KCNH7: variants seen among roughly 807,000 people sequenced by gnomAD.
KCNH7 encodes the protein potassium voltage-gated channel subfamily H member 7, also known as voltage-gated inwardly rectifying potassium channel KCNH7.
A neutral mutation model predicts 120.8 loss-of-function variants in KCNH7; 49 were observed. The observed-to-expected ratio is 0.41, with a 90% confidence interval of 0.32 to 0.51. The LOEUF (loss-of-function observed/expected upper bound fraction) is 0.51. Among genes scored for constraint, KCNH7 ranks in the 20% least tolerant of loss-of-function variants. KCNH7 has a pLI of 0.38. For synonymous variants in KCNH7, 547 were observed against 516.1 expected (o/e 1.06, Z -0.81); for missense variants, 1,097 against 1,446.6 (o/e 0.76, Z 3.92).
At chr2:162,413,562 A>G (rs1345262725) in intron 9 of KCNH7, among the ~76,000 whole-genome samples, 1 of 152,198 alleles carries the variant, frequency 6.6e-6, no homozygotes, top group Non-Finnish European at 1.5e-5. Context: ...TGGCTTATTT[A>G]ATAAATTCTA....
At chr2:162,633,754 T>A (rs1285219115) in intron 2 of KCNH7, among the ~76,000 whole-genome samples, 1 of 152,036 alleles carries the variant, frequency 6.6e-6, no homozygotes, top group African/African-American at 2.4e-5. Flanking sequence ...CGTACCTACA[T>A]TACATTTGTT....
chr2:162,479,983 T>C (rs1332921398), intron 6 of KCNH7, among the ~76,000 whole-genome samples: 4 of 152,174 alleles, frequency 2.6e-5, no homozygotes, highest in Non-Finnish European at 5.9e-5. Context: ...TGTAACTTGA[T>C]ATTCCATGAA....
At chr2:162,637,527 C>T (rs1245449746) in intron 2 of KCNH7, among the ~76,000 whole-genome samples, 3 of 151,998 alleles carry the variant, frequency 2.0e-5, no homozygotes, top group Admixed American at 6.6e-5. Flanking sequence ...GGAGCTGTAT[C>T]GTACATCATG....
At chr2:162,746,831 G>A (rs1037210076) in intron 2 of KCNH7, among the ~76,000 whole-genome samples, 8 of 152,076 alleles carry the variant, frequency 5.3e-5, no homozygotes, top group Non-Finnish European at 7.4e-5. Context: ...AACTTGAGTT[G>A]TCCATGAAGC....
At chr2:162,623,814 C>T (rs539474126) in intron 2 of KCNH7, among the ~76,000 whole-genome samples, 2 of 152,290 alleles carry the variant, frequency 1.3e-5, no homozygotes, top group Admixed American at 6.5e-5. Context: ...ATATCATTAT[C>T]TTTTGACTCA....
chr2:162,514,268 A>G (rs556396226), intron 4 of KCNH7, among the ~76,000 whole-genome samples: 2 of 151,964 alleles, frequency 1.3e-5, no homozygotes, highest in African/African-American at 4.8e-5. Flanking sequence ...CTTTGAGAGA[A>G]TTACAAGAAA....
In KCNH7 at chr2:162,712,335, T is replaced by A. The variant is rs74962718; in HGVS notation, c.307+124202A>T. ...TTTGTGAAAATGTCTCCTGTTTTACTTTATCACCAGCTCCAAAGTCCATCT... is the reference window on the plus strand; with the variant it reads ...TTTGTGAAAATGTCTCCTGTTTTACATTATCACCAGCTCCAAAGTCCATCT... On this transcript the variant is annotated intron_variant, in intron 2 of 15. Coordinates refer to ENST00000332142, the MANE Select transcript of KCNH7 (RefSeq NM_033272.4). 4.7e-3 allele frequency among the ~76,000 whole-genome samples: 716 copies of A among 152,272 alleles called. 5 individuals carry two copies. The highest frequency in any genetic ancestry group is 0.016 in the African/African-American group (678 of 41,558).
chr2:162,769,726 T>G (rs568891002), intron 2 of KCNH7, among the ~76,000 whole-genome samples: 1 of 151,988 alleles, frequency 6.6e-6, no homozygotes, highest in Admixed American at 6.6e-5. Flanking sequence ...TGCACATATA[T>G]GCATATGTAT....
At chr2:162,738,790 C>G (rs912877222) in intron 2 of KCNH7, among the ~76,000 whole-genome samples, 1 of 152,180 alleles carries the variant, frequency 6.6e-6, no homozygotes. Flanking sequence ...TATAAAACAG[C>G]ATTTAATACA....
chr2:162,374,320 T>G (rs758492305), intron 14 of KCNH7, among the ~76,000 whole-genome samples: 2 of 152,208 alleles, frequency 1.3e-5, no homozygotes, highest in Non-Finnish European at 2.9e-5. Context: ...AATACCAGTT[T>G]ATTTTTTCCC....
intron 5 of KCNH7, among the ~76,000 whole-genome samples, chr2:162,508,558 A>G (rs1690960383): frequency 6.6e-6 from 1 of 151,554 alleles, no homozygotes; most frequent in Admixed American, 6.6e-5. Flanking sequence ...CAAGATGATC[A>G]GTGTTGGCTT....
At chr2:162,824,378 T>G (rs1334874155) in intron 2 of KCNH7, among the ~76,000 whole-genome samples, 1 of 152,176 alleles carries the variant, frequency 6.6e-6, no homozygotes, top group Non-Finnish European at 1.5e-5. Flanking sequence ...GTTGAGGTTG[T>G]GCATCATTAA....
intron 2 of KCNH7, among the ~76,000 whole-genome samples, chr2:162,602,536 G>C (rs148574215): frequency 5.3e-5 from 8 of 151,902 alleles, no homozygotes; most frequent in African/African-American, 1.9e-4. Context: ...CAAGTCCATC[G>C]CTGCCATCAC....
intron 2 of KCNH7, among the ~76,000 whole-genome samples, chr2:162,708,395 A>G (rs1686793675): frequency 2.0e-5 from 3 of 152,096 alleles, no homozygotes; most frequent in Non-Finnish European, 2.9e-5. Context: ...ATTTTTAAAA[A>G]TGAAAGCATT....
chr2:162,655,582 C>T (rs574193404), intron 2 of KCNH7, among the ~76,000 whole-genome samples: 106 of 151,820 alleles, frequency 7.0e-4, no homozygotes, highest in Non-Finnish European at 9.1e-4. Context: ...GTCAAGAGAT[C>T]GAGACCATCC....
intron 2 of KCNH7, among the ~76,000 whole-genome samples, chr2:162,576,721 C>G (rs562817788): frequency 5.3e-5 from 8 of 151,756 alleles, no homozygotes; most frequent in Admixed American, 2.6e-4. Context: ...ACTTTTAGAG[C>G]TAGCAAAGAC....
At chr2:162,503,011 G>A (rs1349979570) in intron 6 of KCNH7, among the ~76,000 whole-genome samples, 2 of 152,110 alleles carry the variant, frequency 1.3e-5, no homozygotes, top group Admixed American at 1.3e-4. Flanking sequence ...AAAATGGAAA[G>A]ATTTGCAAGC....
At chr2:162,727,504 A>G (rs1175984370) in intron 2 of KCNH7, among the ~76,000 whole-genome samples, 1 of 152,126 alleles carries the variant, frequency 6.6e-6, no homozygotes, top group East Asian at 1.9e-4. Context: ...CTCTACCCAT[A>G]GTCCCAGACG....
intron 2 of KCNH7, among the ~76,000 whole-genome samples, chr2:162,741,428 C>T (rs6705094): frequency 0.31 from 46,182 of 150,992 alleles, 11,200 homozygotes; most frequent in African/African-American, 0.66. Flanking sequence ...ATAGAGTTGT[C>T]ATGTATATTT....
Sources: allele counts gnomAD v4.1 joint callset (sites outside exome capture counted in the v4.1 genomes callset), GRCh38; gene constraint gnomAD v4.1.1; transcripts MANE v1.5; gene names NCBI Gene and HGNC (gene_info 2026-07-23, HGNC 2026-07-21).